DLG5: variants seen among roughly 807,000 people sequenced by gnomAD.
DLG5 encodes the protein disks large homolog 5.
Under a neutral mutation model 189.8 loss-of-function variants are expected in DLG5, and 48 were observed. The observed-to-expected ratio is 0.25, with a 90% confidence interval of 0.20 to 0.32. The LOEUF (loss-of-function observed/expected upper bound fraction) is 0.32. Among genes scored for constraint, DLG5 ranks in the 10% least tolerant of loss-of-function variants. DLG5 has a pLI of 1.00. For synonymous variants in DLG5, 1,016 were observed against 1,054.1 expected, an observed-to-expected ratio of 0.96 and a Z score of 0.70; for missense variants, 2,160 against 2,544.7, an observed-to-expected ratio of 0.85 and a Z score of 3.25.
chr10:77,937,996 G>A, the DLG5 span, among the ~76,000 whole-genome samples: 2 of 151,412 alleles, frequency 1.3e-5, no homozygotes, highest in Non-Finnish European at 2.9e-5. Flanking sequence ...GGGATTACAG[G>A]CGTGAGCCAC....
chr10:77,917,775 C>T (rs1165600143), intron 1 of DLG5, among the ~76,000 whole-genome samples: 2 of 152,038 alleles, frequency 1.3e-5, no homozygotes, highest in Admixed American at 6.6e-5. Flanking sequence ...GCCTGTAATC[C>T]CAGCACTTTG....
At chr10:77,868,906 A>G in intron 2 of DLG5, 1 of 554,622 alleles carries the variant, frequency 1.8e-6, no homozygotes, top group Admixed American at 3.4e-5. Flanking sequence ...AAAGTAAACA[A>G]TGGCAAAACA....
intron 1 of DLG5, among the ~76,000 whole-genome samples, chr10:77,884,487 T>TC (rs1030638054): frequency 6.6e-6 from 1 of 151,778 alleles, no homozygotes; most frequent in African/African-American, 2.4e-5. Context: ...GAGTATCTCA[T>TC]CCCCGGAGCA....
intron 1 of DLG5, among the ~76,000 whole-genome samples, chr10:77,903,118 A>T (rs1237951362): frequency 6.6e-6 from 1 of 152,170 alleles, no homozygotes; most frequent in Non-Finnish European, 1.5e-5. Context: ...ACAATTATTT[A>T]AAATAGTGTA....
At chr10:77,897,460 C>G (rs1845795714) in intron 1 of DLG5, among the ~76,000 whole-genome samples, 1 of 151,948 alleles carries the variant, frequency 6.6e-6, no homozygotes, top group Admixed American at 6.6e-5. Flanking sequence ...TTTCATGTAC[C>G]CCAAAAGGGA....
intron 1 of DLG5, 196 bp from the exon 2 acceptor site, chr10:77,869,393 A>G (rs1294532198): frequency 1.4e-5 from 8 of 566,694 alleles, no homozygotes; most frequent in Non-Finnish European, 2.5e-5. Flanking sequence ...CTCCCACCTC[A>G]CTTTATCGGC....
chr10:77,819,903 G>A lies in DLG5; in HGVS notation c.3518C>T (p.Pro1173Leu), dbSNP rs759311731. The A allele has an allele frequency of 9.6e-6, 15 of 1,569,506 alleles. No homozygotes were observed. In the Admixed American group the frequency reaches 1.3e-4, roughly 13 times the overall value. ...HSNPPLYPSR[P>L]SVGTVPRSLT... is the part of the protein sequence containing the mutation. ...CTGGCTGGCTGACTCACCCACAGACGGCCTGCTAGGGTATAGCGGGGGGTT... is the reference window on the plus strand; with the variant it reads ...CTGGCTGGCTGACTCACCCACAGACAGCCTGCTAGGGTATAGCGGGGGGTT... Residue 1173 changes from proline (P) to leucine (L), a missense_variant, in exon 16 of 32, where the codon CCG (proline) becomes CTG (leucine). Physicochemically the swap from Pro to Leu is moderately conservative, Grantham distance 98 (BLOSUM62 -3). Coordinates refer to ENST00000372391, the MANE Select transcript of DLG5 (RefSeq NM_004747.4).
At chr10:77,916,993 T>C (rs1343477190) in intron 1 of DLG5, among the ~76,000 whole-genome samples, 1 of 150,846 alleles carries the variant, frequency 6.6e-6, no homozygotes, top group Non-Finnish European at 1.5e-5. Flanking sequence ...TTGAGGACTT[T>C]ATGCTTAGAG....
intron 1 of DLG5, among the ~76,000 whole-genome samples, chr10:77,877,298 T>G (rs1232403200): frequency 7.6e-6 from 1 of 131,866 alleles, no homozygotes; most frequent in East Asian, 2.2e-4. Context: ...GGTCTTTTTC[T>G]TTACTTTTTT....
In DLG5 at chr10:77,853,452, G is replaced by A; in HGVS notation, c.766C>T (p.Arg256Trp). The part of the protein sequence containing the change: ...MLRRENGQLL[R>W]ERNLLQQSWE... Reference sequence around the variant, plus strand: ...GACTGCTGCAGCAGGTTTCGCTCCCGCAGCAGCTGCCCATTCTCCCGCCTC... The same window carrying A: ...GACTGCTGCAGCAGGTTTCGCTCCCACAGCAGCTGCCCATTCTCCCGCCTC... Residue 256 changes from arginine to tryptophan, a missense_variant, in exon 5 of 32, where the codon CGG becomes TGG. By Grantham distance (101) the Arg-to-Trp change is moderately radical. This residue lies in a region of DLG5 where 664 missense variants were observed against 838.5 expected (regional missense o/e 0.79). Transcript: ENST00000372391. 6.2e-7 allele frequency: 1 copy of A among 1,610,850 alleles called. No homozygotes were observed. Among genetic ancestry groups the A allele is most frequent in the Non-Finnish European group, 8.5e-7 (1 of 1,178,704 alleles).
At chr10:77,917,847 T>G (rs1366815719) in intron 1 of DLG5, among the ~76,000 whole-genome samples, 4 of 144,916 alleles carry the variant, frequency 2.8e-5, no homozygotes, top group East Asian at 4.3e-4. Flanking sequence ...GCCAACGTGG[T>G]GAAACCCCGT....
At chr10:77,840,826 C>T (rs1387992240) in intron 7 of DLG5, among the ~76,000 whole-genome samples, 1 of 152,202 alleles carries the variant, frequency 6.6e-6, no homozygotes, top group Non-Finnish European at 1.5e-5. Flanking sequence ...CCCACATCCC[C>T]TACCACTGCC....
At chr10:77,931,019 C>A (rs2131896954), upstream of DLG5, among the ~76,000 whole-genome samples, 1 of 151,946 alleles carries the variant, frequency 6.6e-6, no homozygotes, top group South Asian at 2.1e-4. Context: ...GGGGTTTCTC[C>A]ATGTTGGTCA....
intron 1 of DLG5, chr10:77,912,693 A>G (rs1244839546): frequency 6.6e-6 from 1 of 152,198 alleles, no homozygotes; most frequent in Admixed American, 6.5e-5. Context: ...TGTCTTTTTT[A>G]AAAGCACAGT....
chr10:77,791,099 T>C lies in DLG5; in HGVS notation c.*1341A>G, dbSNP rs1029244316. On this transcript the variant is annotated 3_prime_UTR_variant, in exon 32 of 32. Coordinates refer to ENST00000372391, the MANE Select transcript of DLG5 (RefSeq NM_004747.4). ...TTTTGAACAACTGTGCAAGAAAATA[T>C]ATCCCTTTTTAAAAAACATCAGTTA... is the stretch of plus-strand genomic sequence containing the variant. The C allele has an allele frequency of 7.9e-5, 12 of 152,620 alleles. No individual in the cohort carries two copies. Among genetic ancestry groups the C allele is most frequent in the African/African-American group, 2.9e-4 (12 of 41,462 alleles). The allele number at this position is 152,620 out of a possible 1,614,324, so 9.5% of individuals were successfully genotyped here. A position where few individuals can be genotyped will look rare whatever the true frequency, so the allele number is the denominator to read the frequency against.
intron 3 of DLG5, among the ~76,000 whole-genome samples, chr10:77,856,154 G>A (rs1250039253): frequency 6.6e-6 from 1 of 151,688 alleles, no homozygotes. Context: ...AGACCAGCCT[G>A]GGCAAAAAAG....
Position 77,830,759 on chromosome 10 carries a change from T to A in DLG5, c.1863A>T (p.Val621=). Residue 621 remains valine (V), a synonymous_variant, in exon 10 of 32, where the codon GTA becomes GTT. Coordinates refer to ENST00000372391, the MANE Select transcript of DLG5 (RefSeq NM_004747.4). ...AGCTTACCGTCTCCCTCTCGAACTC[T>A]ACAACTTCCGTTTCCCACTCCATGG... is the stretch of plus-strand genomic sequence containing the variant. ...TDSMEWETEV[V]EFERETEDID... 1 of 1,614,198 alleles carries A rather than the reference T, an allele frequency of 6.2e-7. No homozygotes were observed. Among genetic ancestry groups the A allele is most frequent in the African/African-American group, 1.3e-5 (1 of 75,056 alleles).
intron 5 of DLG5, among the ~76,000 whole-genome samples, chr10:77,852,488 T>C (rs1387516031): frequency 6.6e-6 from 1 of 152,094 alleles, no homozygotes; most frequent in African/African-American, 2.4e-5. Flanking sequence ...CAATCTTGGC[T>C]CACCGCATGC....
At chr10:77,855,534 G>A (rs1449164631) in intron 3 of DLG5, among the ~76,000 whole-genome samples, 1 of 152,248 alleles carries the variant, frequency 6.6e-6, no homozygotes, top group Non-Finnish European at 1.5e-5. Context: ...TAGCAGGAAA[G>A]CAGTCATAGA....
Sources: gnomAD v4.1 joint callset for allele counts (sites outside exome capture counted in the v4.1 genomes callset) on GRCh38, gnomAD v4.1.1 for gene constraint, gnomAD v4.1.1 regional missense constraint, MANE v1.5 for transcripts, NCBI Gene and HGNC (gene_info 2026-07-23, HGNC 2026-07-21) for gene names.